SMG7: variants seen among roughly 807,000 people sequenced by gnomAD.
SMG7 encodes the protein SMG7 nonsense mediated mRNA decay factor, also known as nonsense-mediated mRNA decay factor SMG7.
Under a neutral mutation model 148.2 loss-of-function variants are expected in SMG7, and 34 were observed. That is an observed-to-expected ratio of 0.23 (90% confidence interval 0.17 to 0.31). SMG7 has a LOEUF of 0.31. Among genes scored for constraint, SMG7 ranks in the 10% least tolerant of loss-of-function variants. The pLI, the probability that SMG7 is intolerant of heterozygous loss-of-function variation, is 1.00. For missense variants in SMG7, 1,114 were observed against 1,408.4 expected, an observed-to-expected ratio of 0.79 and a Z score of 3.35; for synonymous variants, 492 against 515.1, an observed-to-expected ratio of 0.96 and a Z score of 0.61.
intron 9 of SMG7, 56 bp downstream of exon 9, chr1:183,533,382 C>A: frequency 6.6e-7 from 1 of 1,525,760 alleles, no homozygotes; most frequent in Non-Finnish European, 9.0e-7. Flanking sequence ...TCATCTTAGG[C>A]ATTTCATCGA....
At chr1:183,536,335 A>C (rs1667786352) in intron 10 of SMG7, among the ~76,000 whole-genome samples, 1 of 152,126 alleles carries the variant, frequency 6.6e-6, no homozygotes, top group Admixed American at 6.5e-5. Context: ...CAGCAAATGA[A>C]CACTCAAACT....
At position 183,512,820 on chromosome 1, in the gene SMG7, T is replaced by C; in HGVS notation, c.30-17T>C. 6.4e-7 allele frequency: 1 copy of C among 1,572,736 alleles called. No homozygotes were observed. The highest frequency in any genetic ancestry group is 8.6e-7 in the Non-Finnish European group (1 of 1,165,022). The stretch of plus-strand genomic sequence containing the variant: ...TCTAACTGATACTCTTTTTTTTTTT[T>C]TTTTTTTTCTATCTAGGCAGGCAGA... On this transcript the variant is annotated splice_polypyrimidine_tract_variant and intron_variant, in intron 1 of 22. Transcript: ENST00000688051.
At position 183,527,820 on chromosome 1, in the gene SMG7, T is replaced by TA. The variant is rs1438232041; in HGVS notation, c.485-133dup. ...ACATAATCCTATAGTTAATTTGTTT[T>TA]AAAGTATTTTGTCTTTAATTTTAAA... On this transcript the variant is annotated intron_variant, in intron 5 of 22. Transcript: ENST00000688051. This position sits in a 1 kb window ranked among gnomAD's most constrained non-coding sequence, Gnocchi z 4.0. The TA allele has an allele frequency of 4.6e-6, 3 of 647,242 alleles. No individual in the cohort carries two copies. The highest frequency in any genetic ancestry group is 8.4e-6 in the Non-Finnish European group (3 of 358,706). The allele number at this position is 647,242 out of a possible 1,614,324, so 40.1% of individuals were successfully genotyped here.
chr1:183,545,123 G>A lies in SMG7; in HGVS notation c.2181G>A (p.Gly727=). The change falls in exon 16 of 23, where the codon GGG becomes GGA. Residue 727 remains glycine, a synonymous_variant. Coordinates refer to ENST00000688051, the MANE Select transcript of SMG7 (RefSeq NM_001375584.1). ...PYSQQRPSGP[G]PMNQGPQQSQ... ...GCCAGCAACGGCCCTCTGGACCAGG[G>A]CCAATGAACCAGGGACCTCAACAAT... The A allele has an allele frequency of 6.2e-7, 1 of 1,614,046 alleles. No homozygotes were observed. Among genetic ancestry groups the A allele is most frequent in the South Asian group, 1.1e-5 (1 of 91,088 alleles).
intron 1 of SMG7, among the ~76,000 whole-genome samples, chr1:183,473,471 A>G (rs1651294409): frequency 6.6e-6 from 1 of 152,098 alleles, no homozygotes; most frequent in Non-Finnish European, 1.5e-5. Flanking sequence ...ATTGATGCAC[A>G]TTTCAGGATG....
At position 183,525,932 on chromosome 1, in the gene SMG7, T is replaced by G. The variant is rs192459068; in HGVS notation, c.313-664T>G. Among the ~76,000 whole-genome samples, 608 of 152,238 alleles carry G rather than the reference T, an allele frequency of 4.0e-3. 2 individuals are homozygous for G. The highest frequency in any genetic ancestry group is 7.7e-3 in the South Asian group (37 of 4,832). On this transcript the variant is annotated intron_variant, in intron 4 of 22. Coordinates refer to ENST00000688051, the MANE Select transcript of SMG7 (RefSeq NM_001375584.1). ...TTTAAGTCAAATTTGTAACCAATATTTAATAATTTTTGGGTTTCTGAGAGT... is the reference window on the plus strand; with the variant it reads ...TTTAAGTCAAATTTGTAACCAATATGTAATAATTTTTGGGTTTCTGAGAGT...
intron 17 of SMG7, 30 bp downstream of exon 17, chr1:183,546,367 T>C (rs201227085): frequency 2.5e-6 from 4 of 1,583,394 alleles, no homozygotes; most frequent in Non-Finnish European, 3.4e-6. Flanking sequence ...ACCAGGCAAT[T>C]TGGAGATAGG....
At chr1:183,496,664 CCTA>C (rs1200092612) in intron 1 of SMG7, among the ~76,000 whole-genome samples, 6 of 152,180 alleles carry the variant, frequency 3.9e-5, no homozygotes, top group African/African-American at 1.4e-4. Flanking sequence ...AAATTTACCT[CCTA>C]CTTCTCTGGC....
Position 183,527,655 on chromosome 1 carries a change from C to T in SMG7, c.485-301C>T, listed in dbSNP as rs757732137. On this transcript the variant is annotated intron_variant, in intron 5 of 22. Coordinates refer to ENST00000688051, the MANE Select transcript of SMG7 (RefSeq NM_001375584.1). The surrounding 1 kb of genome is among the most constrained non-coding windows in gnomAD (Gnocchi z 4.0). Reference sequence around the variant, plus strand: ...ATATAACTCACCCCTTCTTGTGGGCCGGCTCCAGGTCACCAGCATAGTCCA... The same window carrying T: ...ATATAACTCACCCCTTCTTGTGGGCTGGCTCCAGGTCACCAGCATAGTCCA... 2.8e-5 allele frequency: 14 copies of T among 501,336 alleles called. No individual in the cohort carries two copies. Among genetic ancestry groups the T allele is most frequent in the African/African-American group, 5.9e-5 (3 of 51,256 alleles). 31.1% of individuals were successfully genotyped at this position (501,336 alleles called of 1,614,324 possible).
intron 17 of SMG7, among the ~76,000 whole-genome samples, chr1:183,546,696 A>G (rs1029155734): frequency 5.3e-5 from 8 of 152,232 alleles, no homozygotes; most frequent in Admixed American, 2.6e-4. Context: ...GCTCTCTGAG[A>G]GGAACAAGGT....
intron 2 of SMG7, among the ~76,000 whole-genome samples, chr1:183,514,029 C>CA (rs1035651769): frequency 0.086 from 3,507 of 40,872 alleles, 104 homozygotes; most frequent in African/African-American, 0.13. Context: ...GACTCCGTCT[C>CA]AAAAAAAAAA....
intron 6 of SMG7, among the ~76,000 whole-genome samples, chr1:183,528,367 C>G (rs1020249021): frequency 1.4e-4 from 22 of 152,056 alleles, no homozygotes; most frequent in East Asian, 1.9e-4. Flanking sequence ...TCCCCTCCCC[C>G]CAGAAAAACA....
chr1:183,536,803 CAT>C (rs1667871167), intron 10 of SMG7, among the ~76,000 whole-genome samples: 1 of 152,108 alleles, frequency 6.6e-6, no homozygotes, highest in Non-Finnish European at 1.5e-5. Context: ...TCTATAAAAA[CAT>C]AGTATGTTAT....
At chr1:183,541,159 T>C (rs1316627576) in intron 13 of SMG7, 56 bp downstream of exon 13, 3 of 1,546,574 alleles carry the variant, frequency 1.9e-6, no homozygotes, top group African/African-American at 1.4e-5. Flanking sequence ...GATAAACACA[T>C]GCGCGCACAC....
rs1044497584 is a variant in SMG7, at chr1:183,552,660, C to G, written c.*729C>G. 10 of 1,122,694 alleles carry G rather than the reference C, an allele frequency of 8.9e-6. No homozygotes were observed. Among genetic ancestry groups the G allele is most frequent in the South Asian group, 2.7e-5 (1 of 37,512 alleles). 69.5% of individuals were successfully genotyped at this position (1,122,694 alleles called of 1,614,324 possible). On this transcript the variant is annotated 3_prime_UTR_variant, in exon 23 of 23. Coordinates refer to ENST00000688051, the MANE Select transcript of SMG7 (RefSeq NM_001375584.1). Reference sequence around the variant, plus strand: ...ACTCTGTAGGTGCTCGAGCCCCAATCGAGGATACAGTGTGGGTGGTGGTGC... The same window carrying G: ...ACTCTGTAGGTGCTCGAGCCCCAATGGAGGATACAGTGTGGGTGGTGGTGC...
At chr1:183,473,598 AG>A (rs946140161) in intron 1 of SMG7, 4 of 247,938 alleles carry the variant, frequency 1.6e-5, no homozygotes, top group Admixed American at 6.5e-5. Flanking sequence ...TTGGAGGCAG[AG>A]GTAAAGTGGG....
chr1:183,547,297 G>A (rs763104919), intron 18 of SMG7, 45 bp downstream of exon 18: 2 of 1,511,012 alleles, frequency 1.3e-6, no homozygotes, highest in South Asian at 2.5e-5. Flanking sequence ...ACCCCCAGCT[G>A]CTTCTCTGAG....
At chr1:183,519,752 A>G (rs1370055684) in intron 4 of SMG7, among the ~76,000 whole-genome samples, 5 of 152,118 alleles carry the variant, frequency 3.3e-5, no homozygotes, top group Non-Finnish European at 7.4e-5. Context: ...CTATATATCC[A>G]TTTTTGTATC....
chr1:183,528,159 A>G (rs1290673535), intron 6 of SMG7, 132 bp downstream of exon 6: 2 of 520,284 alleles, frequency 3.8e-6, no homozygotes, highest in Admixed American at 7.6e-5. Context: ...ATGTTTTTCC[A>G]TTTAACTGTA....
Sources: gnomAD v4.1 joint callset for allele counts (sites outside exome capture counted in the v4.1 genomes callset) on GRCh38, gnomAD v4.1.1 for gene constraint, Gnocchi (gnomAD v3.1) non-coding constraint, MANE v1.5 for transcripts, NCBI Gene and HGNC (gene_info 2026-07-23, HGNC 2026-07-21) for gene names.